Variants in RAB3C observed in about 807,000 individuals in gnomAD.
RAB3C encodes RAB3C, member RAS oncogene family, also known as ras-related protein Rab-3C.
RAB3C carries 17 observed loss-of-function variants against 26.4 expected under a neutral mutation model. The ratio of observed to expected loss-of-function variants is 0.64; its 90% CI spans 0.44 to 0.97. The LOEUF (loss-of-function observed/expected upper bound fraction) is 0.97, where lower values mean the gene tolerates loss of function less well. Among genes scored for constraint, RAB3C ranks in the 50% least tolerant of loss-of-function variants. The pLI is 0.00. For missense variants in RAB3C, 242 were observed against 281.9 expected, an observed-to-expected ratio of 0.86 and a Z score of 1.01; for synonymous variants, 91 against 95.9, an observed-to-expected ratio of 0.95 and a Z score of 0.30.
rs78887627 is a variant in RAB3C at position 58,769,889 on chromosome 5, C to T, written c.371+43769C>T. ...TGTTACTGAAAAACAGTAACTAAGT[C>T]ACATGCGAAAACGTTCCTAAACCTT... On this transcript the variant is annotated intron_variant, in intron 3 of 4. Transcript: ENST00000282878. 3.0e-3 allele frequency among the ~76,000 whole-genome samples: 457 copies of T among 152,162 alleles called. 1 individual carries two copies. Among genetic ancestry groups the T allele is most frequent in the Non-Finnish European group, 5.3e-3 (360 of 67,984 alleles).
At chr5:58,804,008 C>T (rs539206497) in intron 3 of RAB3C, among the ~76,000 whole-genome samples, 99 of 151,224 alleles carry the variant, frequency 6.5e-4, no homozygotes, top group African/African-American at 2.2e-3. Context: ...TGCAGTGAGC[C>T]GAGATCGTGC....
At chr5:58,708,141 C>A (rs186420201) in intron 2 of RAB3C, among the ~76,000 whole-genome samples, 5 of 152,134 alleles carry the variant, frequency 3.3e-5, no homozygotes, top group Non-Finnish European at 7.4e-5. Context: ...TAGGTGCACA[C>A]CCCCACACCT....
intron 3 of RAB3C, among the ~76,000 whole-genome samples, chr5:58,730,309 G>A (rs1475312007): frequency 2.0e-5 from 3 of 151,844 alleles, no homozygotes; most frequent in Admixed American, 6.6e-5. Flanking sequence ...CTTAAGAAAT[G>A]TTTAAGGAAT....
chr5:58,831,430 T>G (rs1202584846), intron 4 of RAB3C, among the ~76,000 whole-genome samples: 1 of 152,174 alleles, frequency 6.6e-6, no homozygotes, highest in Admixed American at 6.5e-5. Context: ...CTTCCCCAAC[T>G]AATAAACTGA....
At chr5:58,641,109 C>A (rs191074951) in intron 2 of RAB3C, among the ~76,000 whole-genome samples, 8 of 152,266 alleles carry the variant, frequency 5.3e-5, no homozygotes, top group Admixed American at 2.6e-4. Flanking sequence ...ATAATAAGAT[C>A]TGGTGTGCTC....
At chr5:58,664,643 T>C (rs1183140603) in intron 2 of RAB3C, among the ~76,000 whole-genome samples, 1 of 152,110 alleles carries the variant, frequency 6.6e-6, no homozygotes, top group Non-Finnish European at 1.5e-5. Flanking sequence ...AGGTGAGGGG[T>C]ACACAGGATC....
intron 2 of RAB3C, among the ~76,000 whole-genome samples, chr5:58,662,716 C>T (rs1423117703): frequency 6.7e-6 from 1 of 150,094 alleles, no homozygotes; most frequent in African/African-American, 2.5e-5. Context: ...ATACCATTTA[C>T]ATGAAATTCA....
intron 2 of RAB3C, among the ~76,000 whole-genome samples, chr5:58,667,995 A>G (rs2111818560): frequency 6.6e-6 from 1 of 152,296 alleles, no homozygotes; most frequent in Non-Finnish European, 1.5e-5. Flanking sequence ...AGAAACAAAC[A>G]AAACCCAGTT....
chr5:58,608,319 T>C (rs1383747007), intron 1 of RAB3C, among the ~76,000 whole-genome samples: 1 of 152,098 alleles, frequency 6.6e-6, no homozygotes, highest in Non-Finnish European at 1.5e-5. Flanking sequence ...ACAAAGAATC[T>C]ACAAAGAACT....
chr5:58,654,457 C>CATATAA (rs1561279705), intron 2 of RAB3C, among the ~76,000 whole-genome samples: 9 of 152,164 alleles, frequency 5.9e-5, no homozygotes, highest in African/African-American at 2.2e-4. Context: ...GTGATTATGC[C>CATATAA]ATTTAATTAT....
intron 3 of RAB3C, chr5:58,788,486 C>T (rs946995963): frequency 6.6e-6 from 1 of 152,142 alleles, no homozygotes; most frequent in African/African-American, 2.4e-5. Context: ...TTTAATTTTG[C>T]CTGTCTGATA....
At chr5:58,797,396 T>TATATATATATATACAC (rs1561133620) in intron 3 of RAB3C, among the ~76,000 whole-genome samples, 10 of 116,814 alleles carry the variant, frequency 8.6e-5, no homozygotes, top group African/African-American at 3.6e-4. Flanking sequence ...TATATATATA[T>TATATATATATATACAC]ACACAGAGAG....
At chr5:58,599,886 G>C (rs1439410116) in intron 1 of RAB3C, among the ~76,000 whole-genome samples, 1 of 151,996 alleles carries the variant, frequency 6.6e-6, no homozygotes, top group African/African-American at 2.4e-5. Context: ...TGTTTTTACT[G>C]CATTTGCTTT....
At chr5:58,680,109 A>G (rs1748316322) in intron 2 of RAB3C, among the ~76,000 whole-genome samples, 1 of 152,334 alleles carries the variant, frequency 6.6e-6, no homozygotes, top group African/African-American at 2.4e-5. Flanking sequence ...GCACTAATTT[A>G]CAACAAATAA....
intron 3 of RAB3C, among the ~76,000 whole-genome samples, chr5:58,800,982 C>G (rs770465158): frequency 1.3e-5 from 2 of 152,166 alleles, no homozygotes; most frequent in Non-Finnish European, 2.9e-5. Context: ...CATATACCCT[C>G]ATTTGCCTTT....
chr5:58,729,268 A>G (rs1195371231), intron 3 of RAB3C, among the ~76,000 whole-genome samples: 1 of 152,092 alleles, frequency 6.6e-6, no homozygotes, highest in Non-Finnish European at 1.5e-5. Flanking sequence ...GGTAAAATAT[A>G]TATAACATAA....
At chr5:58,802,385 T>G (rs1742831142) in intron 3 of RAB3C, among the ~76,000 whole-genome samples, 1 of 152,182 alleles carries the variant, frequency 6.6e-6, no homozygotes, top group Non-Finnish European at 1.5e-5. Flanking sequence ...GCATTTATAG[T>G]GCAGTGACTC....
At chr5:58,766,742 G>A (rs1380267565) in intron 3 of RAB3C, among the ~76,000 whole-genome samples, 1 of 152,084 alleles carries the variant, frequency 6.6e-6, no homozygotes, top group Admixed American at 6.6e-5. Context: ...GGTTTAATCG[G>A]AGCCTTCGTT....
At chr5:58,611,100 A>T (rs1392653049) in intron 1 of RAB3C, among the ~76,000 whole-genome samples, 1 of 151,094 alleles carries the variant, frequency 6.6e-6, no homozygotes, top group Non-Finnish European at 1.5e-5. Flanking sequence ...GCTGCATAGG[A>T]TTGCCACATT....
Sources: allele counts gnomAD v4.1 joint callset (sites outside exome capture counted in the v4.1 genomes callset), GRCh38; gene constraint gnomAD v4.1.1; transcripts MANE v1.5; gene names NCBI Gene and HGNC (gene_info 2026-07-23, HGNC 2026-07-21).